MINDY3: variants seen among roughly 807,000 people sequenced by gnomAD.
The protein encoded by MINDY3 is ubiquitin carboxyl-terminal hydrolase MINDY-3.
Under a neutral mutation model 69.2 loss-of-function variants are expected in MINDY3, and 38 were observed. The ratio of observed to expected loss-of-function variants is 0.55; its 90% CI spans 0.42 to 0.72. The LOEUF is 0.72. Ranked by LOEUF, MINDY3 falls within the 30% of genes least tolerant of loss-of-function variation. The pLI, the probability that MINDY3 is intolerant of heterozygous loss-of-function variation, is 0.00. For synonymous variants in MINDY3, 192 were observed against 180.1 expected, an observed-to-expected ratio of 1.07 and a Z score of -0.53; for missense variants, 522 against 519.0, an observed-to-expected ratio of 1.01 and a Z score of -0.06.
intron 8 of MINDY3, 45 bp from the exon 9 acceptor site, chr10:15,821,771 GTAGTA>G (rs751432144): frequency 6.7e-7 from 1 of 1,485,250 alleles, no homozygotes; most frequent in South Asian, 1.2e-5. Context: ...ACTTAGCATT[GTAGTA>G]GTGTGTATAA....
At chr10:15,811,566 T>C (rs556796263) in intron 10 of MINDY3, among the ~76,000 whole-genome samples, 167 of 152,296 alleles carry the variant, frequency 1.1e-3, no homozygotes, top group African/African-American at 3.9e-3. Context: ...CAGTGGTATA[T>C]GTATTTGAAT....
chr10:15,782,380 C>T, intron 13 of MINDY3, 154 bp from the exon 14 acceptor site: 1 of 571,552 alleles, frequency 1.7e-6, no homozygotes, highest in Non-Finnish European at 3.0e-6. Context: ...GGAGTTGTAA[C>T]TACCAGAAAG....
In MINDY3 at chr10:15,786,764, T is replaced by C. The variant is rs1837003283; in HGVS notation, c.1029-116A>G. 2.2e-5 allele frequency: 15 copies of C among 677,628 alleles called. No homozygotes were observed. In the South Asian group the frequency reaches 2.4e-4, roughly 11 times the overall value. The allele number at this position is 677,628 out of a possible 1,614,324, so 42.0% of individuals were successfully genotyped here. On this transcript the variant is annotated intron_variant, in intron 12 of 14. Transcript: ENST00000277632. ...TTCGGCTGCCAAAAACACTAAGAGC[T>C]GTTCTTTTTAGAACCTTAATGACAA... is the stretch of plus-strand genomic sequence containing the variant.
At chr10:15,838,363 G>T (rs1270784250) in intron 4 of MINDY3, 84 bp from the exon 5 acceptor site, 5 of 1,234,620 alleles carry the variant, frequency 4.0e-6, no homozygotes, top group Non-Finnish European at 5.4e-6. Flanking sequence ...ATACTTTCAA[G>T]CAATCAAAAC....
At chr10:15,784,611 T>C (rs1197596215) in intron 13 of MINDY3, among the ~76,000 whole-genome samples, 1 of 151,944 alleles carries the variant, frequency 6.6e-6, no homozygotes, top group African/African-American at 2.4e-5. Flanking sequence ...CAGGCCACCA[T>C]ATGTAGTCCC....
At position 15,806,981 on chromosome 10, in the gene MINDY3, A is replaced by T. The variant is rs1187385217; in HGVS notation, c.882+9854T>A. Among the ~76,000 whole-genome samples, 3 of 152,178 alleles carry T rather than the reference A, an allele frequency of 2.0e-5. No homozygotes were observed. The East Asian group carries it at 5.8e-4, about 29-fold the overall frequency. ...AGGGAAGTAGTTAAATGCATAGCTC[A>T]GAAGTCAGAAGACTGGAGTTTAAAT... On this transcript the variant is annotated intron_variant, in intron 10 of 14. Transcript: ENST00000277632.
At chr10:15,818,070 G>A (rs898191031) in intron 9 of MINDY3, 10 of 152,168 alleles carry the variant, frequency 6.6e-5, no homozygotes, top group Non-Finnish European at 1.3e-4. Flanking sequence ...CAGAGTGGAC[G>A]AGGATTTTAG....
At chr10:15,780,101 C>T (rs376411813) in intron 14 of MINDY3, among the ~76,000 whole-genome samples, 4 of 152,128 alleles carry the variant, frequency 2.6e-5, no homozygotes, top group Non-Finnish European at 5.9e-5. Context: ...GGCTGATACA[C>T]ATGAGTGTAA....
intron 2 of MINDY3, among the ~76,000 whole-genome samples, chr10:15,843,713 T>C (rs1468285692): frequency 6.6e-6 from 1 of 152,122 alleles, no homozygotes; most frequent in African/African-American, 2.4e-5. Context: ...TTAACACTAT[T>C]AGAGTCATCA....
At chr10:15,792,601 C>T (rs1263702281) in intron 11 of MINDY3, among the ~76,000 whole-genome samples, 1 of 151,972 alleles carries the variant, frequency 6.6e-6, no homozygotes, top group African/African-American at 2.4e-5. Context: ...GTATATTAAG[C>T]TCTACCTACA....
intron 9 of MINDY3, among the ~76,000 whole-genome samples, chr10:15,818,694 G>A (rs1839543334): frequency 6.6e-6 from 1 of 152,028 alleles, no homozygotes; most frequent in South Asian, 2.1e-4. Context: ...AAACAGAGAT[G>A]AACAATGAAA....
intron 10 of MINDY3, among the ~76,000 whole-genome samples, chr10:15,799,679 C>T (rs761396986): frequency 2.8e-4 from 43 of 152,112 alleles, no homozygotes; most frequent in South Asian, 4.1e-4. Flanking sequence ...TCATAGCACA[C>T]AGGGAAACTG....
Position 15,778,837 on chromosome 10 carries a change from A to C in MINDY3, c.*155T>G, listed in dbSNP as rs1836294951. The C allele has an allele frequency of 1.7e-6, 1 of 593,728 alleles. No individual in the cohort carries two copies. The highest frequency in any genetic ancestry group is 3.4e-5 in the South Asian group (1 of 29,244). The allele number at this position is 593,728 out of a possible 1,614,324, so 36.8% of individuals were successfully genotyped here. A position where few individuals can be genotyped will look rare whatever the true frequency, so the allele number is the denominator to read the frequency against. On this transcript the variant is annotated 3_prime_UTR_variant, in exon 15 of 15. Coordinates refer to ENST00000277632, the MANE Select transcript of MINDY3 (RefSeq NM_024948.4). The stretch of plus-strand genomic sequence containing the variant: ...TTAACATAAAGCTTTAGGACAAATA[A>C]TTTAAACATATCATAAACACTGAAA...
intron 2 of MINDY3, among the ~76,000 whole-genome samples, chr10:15,846,726 T>TC (rs1833873633): frequency 1.6e-5 from 1 of 63,028 alleles, no homozygotes; most frequent in Non-Finnish European, 2.8e-5. Flanking sequence ...TAGGAATGCA[T>TC]TTTTTTTTTT....
intron 6 of MINDY3, among the ~76,000 whole-genome samples, chr10:15,835,367 A>G (rs981765361): frequency 6.6e-6 from 1 of 152,134 alleles, no homozygotes; most frequent in Non-Finnish European, 1.5e-5. Context: ...CTATCATATT[A>G]GAGGTCATTT....
rs764888328 is a variant in MINDY3, at chr10:15,860,328, T to G, written c.-29A>C. 3.8e-4 allele frequency: 586 copies of G among 1,523,620 alleles called. 4 individuals are homozygous for G. Among genetic ancestry groups the G allele is most frequent in the Non-Finnish European group, 1.6e-5 (18 of 1,114,362 alleles). 94.4% of individuals were successfully genotyped at this position (1,523,620 alleles called of 1,614,324 possible). ...GAGGAACCGGCGGGCGGATCTTCGCTTTGCGGACTCCTGCCCCGGAACATG... is the reference window on the plus strand; with the variant it reads ...GAGGAACCGGCGGGCGGATCTTCGCGTTGCGGACTCCTGCCCCGGAACATG... On this transcript the variant is annotated 5_prime_UTR_variant, in exon 1 of 15. Transcript: ENST00000277632.
At chr10:15,841,042 A>G (rs867923228) in intron 4 of MINDY3, among the ~76,000 whole-genome samples, 86 of 151,702 alleles carry the variant, frequency 5.7e-4, no homozygotes, top group African/African-American at 2.0e-3. Context: ...GCAAGTAAAG[A>G]TAACTTTATG....
At chr10:15,801,260 T>C (rs1027284343) in intron 10 of MINDY3, among the ~76,000 whole-genome samples, 3 of 152,176 alleles carry the variant, frequency 2.0e-5, no homozygotes, top group Admixed American at 6.6e-5. Context: ...AGGAAAAGGC[T>C]ACTGTTTTAT....
intron 10 of MINDY3, among the ~76,000 whole-genome samples, chr10:15,809,475 C>G (rs1838854675): frequency 6.6e-6 from 1 of 152,150 alleles, no homozygotes; most frequent in South Asian, 2.1e-4. Context: ...GATACGATTT[C>G]TGAAGACCCA....
Sources: allele counts gnomAD v4.1 joint callset (sites outside exome capture counted in the v4.1 genomes callset), GRCh38; gene constraint gnomAD v4.1.1; transcripts MANE v1.5; gene names NCBI Gene and HGNC (gene_info 2026-07-23, HGNC 2026-07-21).